The following TBC1D9B variants were observed in gnomAD, a reference collection of about 807,000 sequenced individuals.
The protein encoded by TBC1D9B is TBC1 domain family, member 9B (with GRAM domain).
Under a neutral mutation model 121.1 loss-of-function variants are expected in TBC1D9B, and 87 were observed. The ratio of observed to expected loss-of-function variants is 0.72; its 90% confidence interval spans 0.60 to 0.86. TBC1D9B has a LOEUF of 0.86. Among genes scored for constraint, TBC1D9B ranks in the 40% least tolerant of loss-of-function variants. TBC1D9B has a pLI of 0.00. For synonymous variants in TBC1D9B, 668 were observed against 670.1 expected, an observed-to-expected ratio of 1.00 and a Z score of 0.05; for missense variants, 1,540 against 1,628.6, an observed-to-expected ratio of 0.95 and a Z score of 0.94.
rs780470861 is a variant in TBC1D9B, at chr5:179,879,681, G to A, written c.1363C>T (p.Leu455=). 5 of 1,614,066 alleles carry A rather than the reference G, an allele frequency of 3.1e-6. No individual in the cohort carries two copies. The Admixed American group carries it at 8.3e-5, about 27-fold the overall frequency. ...GAGTTTTTCTGGAAGAGCTTCAGCAGGCCCTGGGATGCGGTTGGCGCCTCC... is the reference window on the plus strand; with the variant it reads ...GAGTTTTTCTGGAAGAGCTTCAGCAAGCCCTGGGATGCGGTTGGCGCCTCC... The part of the protein sequence containing the change: ...AQEAPTASQG[L]LKLFQKNSPM... Residue 455 remains leucine, a synonymous_variant, in exon 8 of 21, where the codon CTG becomes TTG. Coordinates refer to ENST00000355235, the MANE Select transcript of TBC1D9B (RefSeq NM_015043.4).
chr5:179,881,995 A>C (rs962001649), intron 7 of TBC1D9B, among the ~76,000 whole-genome samples: 1 of 140,252 alleles, frequency 7.1e-6, no homozygotes, highest in African/African-American at 2.9e-5. Flanking sequence ...CCCAGGCAGG[A>C]GTACAGAGGT....
In TBC1D9B at chr5:179,893,232, G is replaced by T; in HGVS notation, c.813C>A (p.His271Gln). The change falls in exon 5 of 21, where the codon CAC (histidine) becomes CAA (glutamine). Residue 271 changes from histidine (H) to glutamine (Q), a missense_variant. His to Gln is a conservative substitution (Grantham distance 24, BLOSUM62 0). Coordinates refer to ENST00000355235, the MANE Select transcript of TBC1D9B (RefSeq NM_015043.4). ...ACCGCTTCAGGGCTGAGATGTTCCT[G>T]TGTGGCCGGATGGGCCTAGGCAGGG... is the stretch of plus-strand genomic sequence containing the variant. Reference protein sequence around the residue: ...DKALPRPIRPHRNISALKRDL... With the variant: ...DKALPRPIRPQRNISALKRDL... The T allele has an allele frequency of 6.2e-7, 1 of 1,611,850 alleles. No homozygotes were observed. Among genetic ancestry groups the T allele is most frequent in the East Asian group, 2.2e-5 (1 of 44,852 alleles).
rs1371101669 is a variant in TBC1D9B at position 179,891,551 on chromosome 5, C to G, written c.872G>C (p.Arg291Pro). Residue 291 changes from arginine (R) to proline (P), a missense_variant, in exon 6 of 21, where the codon CGA becomes CCA. Transcript: ENST00000355235. The surrounding 1 kb of genome is among the most constrained non-coding windows in gnomAD (Gnocchi z 4.3). The stretch of plus-strand genomic sequence containing the variant: ...ATCCCTGGGCAGCCGGAACGTGGCT[C>G]GGTAGCACTCATTCTTGGCTCGGGC... The part of the protein sequence containing the change: ...LDARAKNECY[R>P]ATFRLPRDER... 1.1e-5 allele frequency: 17 copies of G among 1,613,686 alleles called. No homozygotes were observed. The highest frequency in any genetic ancestry group is 1.3e-5 in the Non-Finnish European group (15 of 1,180,004).
Position 179,907,863 on chromosome 5 carries a change from G to A in TBC1D9B, c.-42C>T, listed in dbSNP as rs766586253. The A allele has an allele frequency of 2.4e-4, 237 of 999,002 alleles. 2 individuals are homozygous for A. The African/African-American group carries it at 3.9e-3, about 16-fold the overall frequency. The allele number at this position is 999,002 out of a possible 1,614,324, so 61.9% of individuals were successfully genotyped here. On this transcript the variant is annotated 5_prime_UTR_variant, in exon 1 of 21. Transcript: ENST00000355235. The surrounding 1 kb of genome is among the most constrained non-coding windows in gnomAD (Gnocchi z 5.3). ...CCGGGCCGAGGCCCGCGAGACGGAAGCGCCCGCCGCCGTCGGCGTCCCGGA... is the reference window on the plus strand; with the variant it reads ...CCGGGCCGAGGCCCGCGAGACGGAAACGCCCGCCGCCGTCGGCGTCCCGGA...
At chr5:179,886,279 G>A (rs141027627) in intron 7 of TBC1D9B, among the ~76,000 whole-genome samples, 39 of 152,312 alleles carry the variant, frequency 2.6e-4, no homozygotes, top group African/African-American at 5.3e-4. Flanking sequence ...CACTCTGTCC[G>A]ATGTGTTCAC....
intron 17 of TBC1D9B, 36 bp from the exon 18 acceptor site, chr5:179,867,885 G>A: frequency 6.0e-6 from 9 of 1,499,308 alleles, no homozygotes; most frequent in Non-Finnish European, 8.0e-6. Context: ...AGGGCAGGAG[G>A]AAACAAGGAG....
In TBC1D9B at chr5:179,891,241, G is replaced by A; in HGVS notation, c.1044+138C>T. On this transcript the variant is annotated intron_variant, in intron 6 of 20. Coordinates refer to ENST00000355235, the MANE Select transcript of TBC1D9B (RefSeq NM_015043.4). This position sits in a 1 kb window ranked among gnomAD's most constrained non-coding sequence, Gnocchi z 4.3. ...CCCTCCACCTGTCCCATCACTGAGT[G>A]ACATGTGACTGCCTGGGCTAGGGCA... 1.1e-6 allele frequency: 1 copy of A among 934,010 alleles called. No individual in the cohort carries two copies. The highest frequency in any genetic ancestry group is 2.6e-5 in the East Asian group (1 of 38,502). 57.9% of individuals were successfully genotyped at this position (934,010 alleles called of 1,614,324 possible).
rs1760968597 is a variant in TBC1D9B at position 179,894,593 on chromosome 5, T to C, written c.370A>G (p.Lys124Glu). The C allele has an allele frequency of 6.2e-7, 1 of 1,614,098 alleles. No homozygotes were observed. The part of the protein sequence containing the change: ...KIHGIIAEEN[K>E]NLQPQGDEDP... ...TCGTCTCCCTGGGGCTGCAGGTTCTTGTTCTCTTCTGCGATGATTCCCTGG... is the reference window on the plus strand; with the variant it reads ...TCGTCTCCCTGGGGCTGCAGGTTCTCGTTCTCTTCTGCGATGATTCCCTGG... Residue 124 changes from lysine to glutamate, a missense_variant, in exon 4 of 21, where the codon AAG (lysine) becomes GAG (glutamate). Physicochemically the swap from Lys to Glu is moderately conservative, Grantham distance 56. Transcript: ENST00000355235.
At chr5:179,869,302 GC>G (rs1256232397) in intron 17 of TBC1D9B, 1 of 342,056 alleles carries the variant, frequency 2.9e-6, no homozygotes, top group African/African-American at 2.1e-5. Flanking sequence ...TGCACAGACA[GC>G]CTGTCGCCAG....
At chr5:179,866,176 G>T in intron 18 of TBC1D9B, 1 of 393,730 alleles carries the variant, frequency 2.5e-6, no homozygotes, top group Non-Finnish European at 4.7e-6. Context: ...TGCTGGTTTT[G>T]ACGTGAACAA....
Position 179,899,363 on chromosome 5 carries a change from G to A in TBC1D9B, c.230-56C>T, listed in dbSNP as rs200194190. On this transcript the variant is annotated intron_variant, in intron 2 of 20. Transcript: ENST00000355235. ...ATCATGAATTCCCCAGGCCTTAAAC[G>A]CACATTCAAAGAAGCGAGATGAAAG... 1.1e-3 allele frequency: 1,547 copies of A among 1,464,716 alleles called. 5 individuals carry two copies. Among genetic ancestry groups the A allele is most frequent in the Non-Finnish European group, 8.3e-4 (878 of 1,052,580 alleles). 90.7% of individuals were successfully genotyped at this position (1,464,716 alleles called of 1,614,324 possible). A position where few individuals can be genotyped will look rare whatever the true frequency, so the allele number is the denominator to read the frequency against.
At position 179,876,051 on chromosome 5, in the gene TBC1D9B, A is replaced by G; in HGVS notation, c.1783-14T>C. On this transcript the variant is annotated splice_polypyrimidine_tract_variant and intron_variant, in intron 10 of 20. Coordinates refer to ENST00000355235, the MANE Select transcript of TBC1D9B (RefSeq NM_015043.4). ...GATGTTCATTGCCTGCCGGGCACAG[A>G]GACAGCCGGGGAAGGCTTGCACTGC... 1 of 1,609,980 alleles carries G rather than the reference A, an allele frequency of 6.2e-7. No homozygotes were observed.
At chr5:179,886,117 C>G (rs564702424) in intron 7 of TBC1D9B, among the ~76,000 whole-genome samples, 1 of 152,200 alleles carries the variant, frequency 6.6e-6, no homozygotes, top group African/African-American at 2.4e-5. Context: ...CCATGAGCAA[C>G]AGAGAGAAAA....
At chr5:179,886,819 A>G (rs1760698472) in intron 7 of TBC1D9B, among the ~76,000 whole-genome samples, 1 of 152,230 alleles carries the variant, frequency 6.6e-6, no homozygotes, top group African/African-American at 2.4e-5. Flanking sequence ...TTCAGACTCA[A>G]CGACAGCAGC....
rs926457476 is a variant in TBC1D9B, at chr5:179,902,656, T to C, written c.229+2046A>G. Among the ~76,000 whole-genome samples the C allele has an allele frequency of 6.6e-6, 1 of 152,124 alleles. No homozygotes were observed. Among genetic ancestry groups the C allele is most frequent in the Non-Finnish European group, 1.5e-5 (1 of 68,006 alleles). Reference sequence around the variant, plus strand: ...GATTCCCACTCTGCCCCTCGTACTTTTCTCTCCCCAGGGACGGGCAGCTCT... The same window carrying C: ...GATTCCCACTCTGCCCCTCGTACTTCTCTCTCCCCAGGGACGGGCAGCTCT... On this transcript the variant is annotated intron_variant, in intron 2 of 20. Coordinates refer to ENST00000355235, the MANE Select transcript of TBC1D9B (RefSeq NM_015043.4). The surrounding 1 kb of genome is among the most constrained non-coding windows in gnomAD (Gnocchi z 4.9).
Position 179,863,661 on chromosome 5 carries a change from C to G in TBC1D9B, c.3489G>C (p.Glu1163Asp), listed in dbSNP as rs1759914995. ...CGATGCGCGCTGTGGGGCTGCAGGCCTCCCCGCCCACCAGCACCGTGTCGT... is the reference window on the plus strand; with the variant it reads ...CGATGCGCGCTGTGGGGCTGCAGGCGTCCCCGCCCACCAGCACCGTGTCGT... ...LADDTVLVGG[E>D]ACSPTARIGG... The change falls in exon 21 of 21, where the codon GAG becomes GAC. Residue 1163 changes from glutamate to aspartate, a missense_variant. Physicochemically the swap from Glu to Asp is conservative, Grantham distance 45. Transcript: ENST00000355235. This position sits in a 1 kb window ranked among gnomAD's most constrained non-coding sequence, Gnocchi z 4.5. 5 of 1,613,668 alleles carry G rather than the reference C, an allele frequency of 3.1e-6. No homozygotes were observed. The highest frequency in any genetic ancestry group is 4.2e-6 in the Non-Finnish European group (5 of 1,180,050).
rs753519924 is a variant in TBC1D9B at position 179,865,898 on chromosome 5, C to T, written c.2864-10G>A. ...TCCTGTGGTAGTGCTTCTGGACAAACGCAAAAATAAAAAGAACATGAATAA... is the reference window on the plus strand; with the variant it reads ...TCCTGTGGTAGTGCTTCTGGACAAATGCAAAAATAAAAAGAACATGAATAA... On this transcript the variant is annotated splice_polypyrimidine_tract_variant and intron_variant, in intron 18 of 20. Transcript: ENST00000355235. The surrounding 1 kb of genome is among the most constrained non-coding windows in gnomAD (Gnocchi z 5.1). 1.1e-5 allele frequency: 17 copies of T among 1,613,688 alleles called. No homozygotes were observed. The highest frequency in any genetic ancestry group is 4.4e-5 in the South Asian group (4 of 91,070).
chr5:179,867,827 C>G lies in TBC1D9B; in HGVS notation c.2814G>C (p.Glu938Asp), dbSNP rs1423991941. ...LPPALSPEEA[E>D]SALEAAHYFT... ...AATAATGGGCCGCCTCCAGGGCTGA[C>G]TCGGCTTCCTCTGGGCTCAGAGCTG... is the stretch of plus-strand genomic sequence containing the variant. Residue 938 changes from glutamate (E) to aspartate (D), a missense_variant, in exon 18 of 21, where the codon GAG becomes GAC. Coordinates refer to ENST00000355235, the MANE Select transcript of TBC1D9B (RefSeq NM_015043.4). 5 of 1,526,636 alleles carry G rather than the reference C, an allele frequency of 3.3e-6. No individual in the cohort carries two copies. In the Admixed American group the frequency reaches 1.1e-4, roughly 32 times the overall value. 94.6% of individuals were successfully genotyped at this position (1,526,636 alleles called of 1,614,324 possible).
intron 8 of TBC1D9B, 35 bp from the exon 9 acceptor site, chr5:179,879,232 G>A (rs772117661): frequency 4.4e-6 from 7 of 1,584,362 alleles, no homozygotes; most frequent in Non-Finnish European, 4.3e-6. Context: ...CCTGGGGGCC[G>A]AAGCGCATCT....
Sources: gnomAD v4.1 joint callset for allele counts (sites outside exome capture counted in the v4.1 genomes callset) on GRCh38, gnomAD v4.1.1 for gene constraint, Gnocchi (gnomAD v3.1) non-coding constraint, MANE v1.5 for transcripts, NCBI Gene and HGNC (gene_info 2026-07-23, HGNC 2026-07-21) for gene names.